CACNA2D3: variants seen among roughly 807,000 people sequenced by gnomAD.
CACNA2D3 encodes the protein voltage-dependent calcium channel subunit alpha-2/delta-3.
Under a neutral mutation model 160.6 loss-of-function variants are expected in CACNA2D3, and 60 were observed. The observed-to-expected ratio is 0.37, with a 90% CI of 0.30 to 0.46. The LOEUF is 0.46. CACNA2D3 is among the 20% of genes least tolerant of loss of function. CACNA2D3 has a pLI of 1.00. For synonymous variants in CACNA2D3, 558 were observed against 492.9 expected, an observed-to-expected ratio of 1.13 and a Z score of -1.75; for missense variants, 1,205 against 1,365.0, an observed-to-expected ratio of 0.88 and a Z score of 1.85.
chr3:54,871,566 C>G lies in CACNA2D3; in HGVS notation c.1654C>G (p.Pro552Ala). 1 of 1,613,552 alleles carries G rather than the reference C, an allele frequency of 6.2e-7. No homozygotes were observed. Among genetic ancestry groups the G allele is most frequent in the Non-Finnish European group, 8.5e-7 (1 of 1,179,586 alleles). The change falls in exon 18 of 38, where the codon CCT (proline) becomes GCT (alanine). Residue 552 changes from proline (P) to alanine (A), a missense_variant. This residue lies in a region of CACNA2D3 where 911 missense variants were observed against 1,002.2 expected (regional missense o/e 0.91). Transcript: ENST00000474759. Reference protein sequence around the residue: ...LYEEGKKRRKPNYSSVDLSEV... With the variant: ...LYEEGKKRRKANYSSVDLSEV... ...CGAAGAAGGAAAAAAGCGAAGGAAA[C>G]CTAACTATAGTAGCGTTGACCTCTC...
chr3:54,408,225 GGGTACCTT>G (rs1699609051), intron 4 of CACNA2D3, among the ~76,000 whole-genome samples: 1 of 152,174 alleles, frequency 6.6e-6, no homozygotes, highest in African/African-American at 2.4e-5. Flanking sequence ...TGGGAGTTCA[GGGTACCTT>G]GGAGAAAATC....
intron 2 of CACNA2D3, among the ~76,000 whole-genome samples, chr3:54,126,404 A>C (rs1699591655): frequency 6.6e-6 from 1 of 152,218 alleles, no homozygotes; most frequent in South Asian, 2.1e-4. Flanking sequence ...AACATTTAGC[A>C]ATGTACCTTG....
chr3:55,063,727 G>A (rs931045543), intron 35 of CACNA2D3, among the ~76,000 whole-genome samples: 2 of 152,072 alleles, frequency 1.3e-5, no homozygotes, highest in African/African-American at 2.4e-5. Flanking sequence ...GCAGACCATC[G>A]GGTAGATGAC....
chr3:54,486,854 T>C (rs941198458), intron 4 of CACNA2D3, among the ~76,000 whole-genome samples: 3 of 152,162 alleles, frequency 2.0e-5, no homozygotes, highest in African/African-American at 7.2e-5. Context: ...ATGGGGTTTC[T>C]AGTTCTGAAA....
intron 34 of CACNA2D3, among the ~76,000 whole-genome samples, chr3:55,013,477 T>G (rs1385591057): frequency 6.6e-6 from 1 of 152,212 alleles, no homozygotes; most frequent in East Asian, 1.9e-4. Flanking sequence ...GATATCTTAT[T>G]AAATGTAAAT....
In CACNA2D3 at chr3:54,503,731, A is replaced by G. The variant is rs1575492530; in HGVS notation, c.544+77A>G. On this transcript the variant is annotated intron_variant, in intron 5 of 37. Coordinates refer to ENST00000474759, the MANE Select transcript of CACNA2D3 (RefSeq NM_018398.3). ...AGAAGCAGGGGCTGGCTGGTTTGGG[A>G]TATAGTTTTGGTTTGTTTCATTTTT... 2.7e-5 allele frequency: 37 copies of G among 1,371,478 alleles called. 1 individual carries two copies. The South Asian group carries it at 4.2e-4, about 16-fold the overall frequency. The allele number at this position is 1,371,478 out of a possible 1,614,324, so 85.0% of individuals were successfully genotyped here. A position where few individuals can be genotyped will look rare whatever the true frequency, so the allele number is the denominator to read the frequency against.
chr3:54,633,260 G>A (rs891434805), intron 10 of CACNA2D3, among the ~76,000 whole-genome samples: 1 of 152,172 alleles, frequency 6.6e-6, no homozygotes, highest in African/African-American at 2.4e-5. Flanking sequence ...TGCTCAATTG[G>A]AGAGTAGATT....
At chr3:54,407,708 A>G (rs73087486) in intron 4 of CACNA2D3, among the ~76,000 whole-genome samples, 3,227 of 152,248 alleles carry the variant, frequency 0.021, 62 homozygotes, top group Non-Finnish European at 0.034. Flanking sequence ...TGGTGGTCAC[A>G]TGTTATGCTC....
At chr3:54,278,693 A>G (rs1224962987) in intron 2 of CACNA2D3, among the ~76,000 whole-genome samples, 1 of 152,166 alleles carries the variant, frequency 6.6e-6, no homozygotes, top group Non-Finnish European at 1.5e-5. Flanking sequence ...AGGGACATGG[A>G]TGAAACTGGA....
chr3:54,257,976 T>A (rs1226126514), intron 2 of CACNA2D3, among the ~76,000 whole-genome samples: 1 of 152,166 alleles, frequency 6.6e-6, no homozygotes, highest in Non-Finnish European at 1.5e-5. Flanking sequence ...AAAATCAAGA[T>A]CCCGATAGAA....
chr3:54,256,671 G>T (rs1392151803), intron 2 of CACNA2D3, among the ~76,000 whole-genome samples: 1 of 148,540 alleles, frequency 6.7e-6, no homozygotes, highest in Non-Finnish European at 1.5e-5. Context: ...TAATGGCATT[G>T]TGCTCTCTGT....
intron 30 of CACNA2D3, among the ~76,000 whole-genome samples, chr3:54,985,735 A>C (rs569031785): frequency 6.6e-6 from 1 of 152,350 alleles, no homozygotes; most frequent in East Asian, 1.9e-4. Context: ...ATTGTCCTTA[A>C]GTGTGGCTTC....
intron 11 of CACNA2D3, among the ~76,000 whole-genome samples, chr3:54,649,586 C>T (rs1459760213): frequency 6.6e-6 from 1 of 152,138 alleles, no homozygotes; most frequent in Non-Finnish European, 1.5e-5. Flanking sequence ...TTTTTGAGGC[C>T]CCTCTTTTGG....
At chr3:54,800,857 G>C (rs1316178423) in intron 13 of CACNA2D3, among the ~76,000 whole-genome samples, 1 of 152,154 alleles carries the variant, frequency 6.6e-6, no homozygotes, top group African/African-American at 2.4e-5. Context: ...GCTCTTTGTA[G>C]ACCTGTAGCA....
At chr3:55,009,271 T>G (rs1427745921) in intron 33 of CACNA2D3, 117 bp from the exon 34 acceptor site, 24 of 870,352 alleles carry the variant, frequency 2.8e-5, no homozygotes, top group Non-Finnish European at 4.6e-5. Flanking sequence ...TGTTGATATC[T>G]CCAAATTGTG....
At chr3:54,778,332 C>G (rs988615738) in intron 13 of CACNA2D3, among the ~76,000 whole-genome samples, 1 of 152,120 alleles carries the variant, frequency 6.6e-6, no homozygotes, top group African/African-American at 2.4e-5. Flanking sequence ...CCGCCATCCT[C>G]CAGCCTTAAC....
chr3:54,158,749 TG>T (rs1255511206), intron 2 of CACNA2D3, among the ~76,000 whole-genome samples: 1 of 152,246 alleles, frequency 6.6e-6, no homozygotes, highest in Non-Finnish European at 1.5e-5. Flanking sequence ...CAAGCACTTT[TG>T]ATCCTGTTTT....
At chr3:55,000,394 T>A (rs961413659) in intron 31 of CACNA2D3, among the ~76,000 whole-genome samples, 2 of 152,016 alleles carry the variant, frequency 1.3e-5, no homozygotes, top group African/African-American at 2.4e-5. Flanking sequence ...AGCCTCCTTT[T>A]GAAATAGAGG....
intron 4 of CACNA2D3, among the ~76,000 whole-genome samples, chr3:54,457,483 C>CA (rs1258089261): frequency 6.6e-6 from 1 of 152,034 alleles, no homozygotes; most frequent in Admixed American, 6.6e-5. Flanking sequence ...AACATATGGT[C>CA]AGTCCTGGAG....
Sources: allele counts gnomAD v4.1 joint callset (sites outside exome capture counted in the v4.1 genomes callset), GRCh38; gene constraint gnomAD v4.1.1; regional missense constraint gnomAD v4.1.1; transcripts MANE v1.5; gene names NCBI Gene and HGNC (gene_info 2026-07-23, HGNC 2026-07-21).